Variants in ARB2A observed in about 807,000 individuals in gnomAD.
The protein encoded by ARB2A is cotranscriptional regulator ARB2A.
At chr5:93,757,933 A>G in the ARB2A span, among the ~76,000 whole-genome samples, 8 of 152,208 alleles carry the variant, frequency 5.3e-5, no homozygotes, top group Non-Finnish European at 8.8e-5. Context: ...TAAATGCTCC[A>G]CTTAAAAAAT....
chr5:94,100,186 A>G, the ARB2A span, among the ~76,000 whole-genome samples: 1 of 152,140 alleles, frequency 6.6e-6, no homozygotes, highest in Non-Finnish European at 1.5e-5. Context: ...ATCCCATTCA[A>G]AACTGCCACA....
the ARB2A span, among the ~76,000 whole-genome samples, chr5:94,092,661 A>T: frequency 1.3e-4 from 20 of 152,320 alleles, no homozygotes; most frequent in African/African-American, 4.6e-4. Context: ...AGTTCCTCAA[A>T]TATGGATTCT....
chr5:93,813,454 G>T, the ARB2A span, among the ~76,000 whole-genome samples: 1 of 152,182 alleles, frequency 6.6e-6, no homozygotes. Context: ...AAAAAGGATA[G>T]AGAGCTTATA....
At chr5:93,644,136 A>C in the ARB2A span, among the ~76,000 whole-genome samples, 1 of 152,220 alleles carries the variant, frequency 6.6e-6, no homozygotes, top group Non-Finnish European at 1.5e-5. Flanking sequence ...AGTGCCACAC[A>C]TAAGAGGCTC....
chr5:93,721,452 TA>T, the ARB2A span, among the ~76,000 whole-genome samples: 1 of 152,224 alleles, frequency 6.6e-6, no homozygotes, highest in South Asian at 2.1e-4. Context: ...GCTCTTTTTT[TA>T]AAAAAGTTTT....
the ARB2A span, among the ~76,000 whole-genome samples, chr5:94,077,633 T>C: frequency 0.025 from 3,732 of 152,246 alleles, 62 homozygotes; most frequent in Non-Finnish European, 0.038. Flanking sequence ...CTACTGAAAA[T>C]GCAGCCAGCA....
At chr5:93,808,401 TAAA>T in the ARB2A span, among the ~76,000 whole-genome samples, 2 of 127,296 alleles carry the variant, frequency 1.6e-5, no homozygotes, top group African/African-American at 5.8e-5. Flanking sequence ...GGAAATAATC[TAAA>T]AAAAAAAAAA....
the ARB2A span, among the ~76,000 whole-genome samples, chr5:94,096,663 T>C: frequency 6.6e-6 from 1 of 151,916 alleles, no homozygotes; most frequent in African/African-American, 2.4e-5. Context: ...TAAATAAATA[T>C]ACAGAGAAAG....
At chr5:93,921,091 C>T in the ARB2A span, among the ~76,000 whole-genome samples, 1 of 146,692 alleles carries the variant, frequency 6.8e-6, no homozygotes, top group East Asian at 2.0e-4. Flanking sequence ...ATATACCATA[C>T]ATTGAGGGCT....
chr5:93,906,079 C>A, the ARB2A span, among the ~76,000 whole-genome samples: 1 of 151,440 alleles, frequency 6.6e-6, no homozygotes, highest in Non-Finnish European at 1.5e-5. Context: ...AGATAATCAA[C>A]CAACGTAGCA....
At chr5:93,939,463 A>C in the ARB2A span, among the ~76,000 whole-genome samples, 12 of 152,128 alleles carry the variant, frequency 7.9e-5, no homozygotes, top group Non-Finnish European at 1.6e-4. Context: ...TGAAGATAAG[A>C]ATTTAAAAGG....
At chr5:94,030,200 T>C in the ARB2A span, among the ~76,000 whole-genome samples, 3 of 152,224 alleles carry the variant, frequency 2.0e-5, no homozygotes, top group Admixed American at 1.3e-4. Context: ...ATTACTGTTG[T>C]AACAAGCAAC....
chr5:93,894,187 T>C, the ARB2A span, among the ~76,000 whole-genome samples: 1 of 151,942 alleles, frequency 6.6e-6, no homozygotes, highest in Non-Finnish European at 1.5e-5. Flanking sequence ...TTGTCATGCA[T>C]ATGTCTGTTT....
chr5:93,716,783 C>G, the ARB2A span, among the ~76,000 whole-genome samples: 6 of 149,536 alleles, frequency 4.0e-5, 1 homozygote, highest in East Asian at 2.0e-4. Flanking sequence ...CAATCAACCT[C>G]AAATGACTCT....
the ARB2A span, among the ~76,000 whole-genome samples, chr5:94,030,011 G>A: frequency 0.73 from 110,224 of 151,926 alleles, 41,594 homozygotes; most frequent in South Asian, 0.86. Flanking sequence ...TTTGTGCAGG[G>A]AAACTCCTCT....
chr5:93,790,138 T>TCC, the ARB2A span, among the ~76,000 whole-genome samples: 2 of 152,206 alleles, frequency 1.3e-5, no homozygotes, highest in Non-Finnish European at 2.9e-5. Flanking sequence ...GTAAATTATT[T>TCC]TTCTGTACTT....
At chr5:93,975,361 AC>A in the ARB2A span, among the ~76,000 whole-genome samples, 1 of 151,534 alleles carries the variant, frequency 6.6e-6, no homozygotes. Flanking sequence ...CTCAAAATTA[AC>A]AACCTATCCT....
At chr5:93,979,543 T>A in the ARB2A span, among the ~76,000 whole-genome samples, 1 of 152,110 alleles carries the variant, frequency 6.6e-6, no homozygotes, top group Non-Finnish European at 1.5e-5. Context: ...AAATAACCAC[T>A]CTTGGAAAAT....
the ARB2A span, among the ~76,000 whole-genome samples, chr5:93,919,492 T>C: frequency 6.6e-6 from 1 of 152,176 alleles, no homozygotes. Flanking sequence ...ATAAGGTACA[T>C]AGACCATGAA....
Sources: allele counts gnomAD v4.1 joint callset (sites outside exome capture counted in the v4.1 genomes callset), GRCh38; gene constraint gnomAD v4.1.1; transcripts MANE v1.5; gene names NCBI Gene and HGNC (gene_info 2026-07-23, HGNC 2026-07-21).